The following LOC400499 variants were observed in gnomAD, a reference collection of about 807,000 sequenced individuals.
At chr16:11,519,394 A>G in the LOC400499 span, among the ~76,000 whole-genome samples, 122 of 152,134 alleles carry the variant, frequency 8.0e-4, no homozygotes, top group Non-Finnish European at 1.6e-3. Context: ...AAGAAGGTAG[A>G]CTTTCTAAAA....
chr16:11,391,633 C>T, the LOC400499 span: 1 of 1,231,904 alleles, frequency 8.1e-7, no homozygotes. Flanking sequence ...TTGATTTCCG[C>T]ACAGGATTGA....
At chr16:11,383,972 G>T in the LOC400499 span, 56 of 1,231,856 alleles carry the variant, frequency 4.5e-5, no homozygotes, top group South Asian at 9.5e-4. Flanking sequence ...GCCTGCTCCT[G>T]CTGAGGCTTC....
At chr16:11,515,293 GA>G in the LOC400499 span, among the ~76,000 whole-genome samples, 238 of 149,204 alleles carry the variant, frequency 1.6e-3, no homozygotes, top group Middle Eastern at 0.027. Flanking sequence ...TAAAAATCCA[GA>G]AAAAAAAAAT....
At chr16:11,475,342 T>C in the LOC400499 span, among the ~76,000 whole-genome samples, 6 of 151,642 alleles carry the variant, frequency 4.0e-5, no homozygotes, top group African/African-American at 9.7e-5. Flanking sequence ...AAATAATAAA[T>C]AAACAAATAA....
At chr16:11,468,289 G>GA in the LOC400499 span, among the ~76,000 whole-genome samples, 1 of 152,126 alleles carries the variant, frequency 6.6e-6, no homozygotes, top group Admixed American at 6.5e-5. Flanking sequence ...TTGGGACATG[G>GA]CATGCTTTAA....
the LOC400499 span, among the ~76,000 whole-genome samples, chr16:11,377,925 C>T: frequency 6.6e-6 from 1 of 152,200 alleles, no homozygotes. Context: ...TTCTGCTTTT[C>T]TTTCCTGCCA....
At chr16:11,482,345 A>G in the LOC400499 span, among the ~76,000 whole-genome samples, 13 of 152,188 alleles carry the variant, frequency 8.5e-5, no homozygotes, top group African/African-American at 3.1e-4. Flanking sequence ...AGGACAGGAT[A>G]CCAGAGATGA....
chr16:11,416,420 T>C, the LOC400499 span, among the ~76,000 whole-genome samples: 1 of 152,100 alleles, frequency 6.6e-6, no homozygotes, highest in Admixed American at 6.5e-5. Context: ...CTAGACCAGG[T>C]GACTCAACCT....
At chr16:11,463,696 GAT>G in the LOC400499 span, among the ~76,000 whole-genome samples, 4 of 152,082 alleles carry the variant, frequency 2.6e-5, no homozygotes, top group Admixed American at 2.0e-4. Flanking sequence ...CATGTGAACA[GAT>G]ATGTATATAT....
chr16:11,450,156 G>C, the LOC400499 span, among the ~76,000 whole-genome samples: 1 of 152,170 alleles, frequency 6.6e-6, no homozygotes, highest in African/African-American at 2.4e-5. Flanking sequence ...CACCCACCAG[G>C]CTCCCTCAGC....
chr16:11,463,380 G>A, the LOC400499 span, among the ~76,000 whole-genome samples: 35 of 150,030 alleles, frequency 2.3e-4, no homozygotes, highest in South Asian at 1.9e-3. Context: ...ATGTGTGTGC[G>A]GATGTGTGTG....
the LOC400499 span, chr16:11,450,653 C>G: frequency 0.065 from 100,316 of 1,536,078 alleles, 3,681 homozygotes; most frequent in East Asian, 0.11. Flanking sequence ...ATCTTGCCTT[C>G]CCTGTTGGGG....
At chr16:11,498,821 C>G in the LOC400499 span, among the ~76,000 whole-genome samples, 1 of 151,612 alleles carries the variant, frequency 6.6e-6, no homozygotes, top group African/African-American at 2.4e-5. Flanking sequence ...CTAATGGCAA[C>G]AGCCACTTCC....
the LOC400499 span, among the ~76,000 whole-genome samples, chr16:11,389,174 C>T: frequency 3.3e-5 from 5 of 152,184 alleles, no homozygotes; most frequent in Admixed American, 2.6e-4. Context: ...ACGCTGGCCC[C>T]GTGGCTCTTG....
the LOC400499 span, among the ~76,000 whole-genome samples, chr16:11,386,336 G>C: frequency 1.3e-5 from 2 of 152,268 alleles, no homozygotes; most frequent in Admixed American, 6.5e-5. Context: ...AGCATCCTGA[G>C]GGAGGCAGTA....
At chr16:11,438,377 C>A in the LOC400499 span, among the ~76,000 whole-genome samples, 5 of 152,232 alleles carry the variant, frequency 3.3e-5, no homozygotes, top group African/African-American at 4.8e-5. Flanking sequence ...AAAGCTCATG[C>A]CTCTAAGAAT....
At chr16:11,427,037 G>A in the LOC400499 span, among the ~76,000 whole-genome samples, 2 of 151,494 alleles carry the variant, frequency 1.3e-5, no homozygotes, top group African/African-American at 4.9e-5. Flanking sequence ...TGTCTCAAAG[G>A]AAGCTACACG....
chr16:11,385,256 G>T, the LOC400499 span: 4 of 1,232,314 alleles, frequency 3.2e-6, no homozygotes, highest in Non-Finnish European at 4.0e-6. Flanking sequence ...TAAGTTCCAC[G>T]AACAGGGCTG....
At chr16:11,443,936 G>A in the LOC400499 span, among the ~76,000 whole-genome samples, 1 of 151,826 alleles carries the variant, frequency 6.6e-6, no homozygotes, top group Admixed American at 6.6e-5. Flanking sequence ...CCAGTTTCAA[G>A]TGACTCTTGT....
Sources: gnomAD v4.1 joint callset for allele counts (sites outside exome capture counted in the v4.1 genomes callset) on GRCh38, gnomAD v4.1.1 for gene constraint, MANE v1.5 for transcripts.